SLC41A2: variants seen among roughly 807,000 people sequenced by gnomAD.
SLC41A2 encodes the protein solute carrier family 41 member 2, also known as SLC41A1-like 1.
Under a neutral mutation model 58.3 loss-of-function variants are expected in SLC41A2, and 32 were observed. The observed-to-expected ratio is 0.55, with a 90% confidence interval of 0.41 to 0.74. The LOEUF (loss-of-function observed/expected upper bound fraction) is 0.74. Ranked by LOEUF, SLC41A2 falls within the 30% of genes least tolerant of loss-of-function variation. SLC41A2 has a pLI of 0.00. For missense variants in SLC41A2, 514 were observed against 680.6 expected (o/e 0.76, Z 2.72); for synonymous variants, 190 against 235.0 (o/e 0.81, Z 1.75).
At chr12:104,934,153 T>C (rs1181237944) in intron 1 of SLC41A2, among the ~76,000 whole-genome samples, 3 of 152,082 alleles carry the variant, frequency 2.0e-5, no homozygotes, top group Non-Finnish European at 4.4e-5. Context: ...TTGTTCTATA[T>C]TTGTTATCCA....
At chr12:104,831,044 T>A (rs1156461277) in intron 10 of SLC41A2, among the ~76,000 whole-genome samples, 1 of 152,156 alleles carries the variant, frequency 6.6e-6, no homozygotes, top group East Asian at 1.9e-4. Flanking sequence ...TAATAGTACT[T>A]CACTATGAAG....
At chr12:104,813,091 A>AT (rs1328677497) in intron 10 of SLC41A2, among the ~76,000 whole-genome samples, 7 of 152,268 alleles carry the variant, frequency 4.6e-5, no homozygotes, top group African/African-American at 1.7e-4. Context: ...AGGCAGGAGA[A>AT]TCGCTTGAAC....
intron 1 of SLC41A2, among the ~76,000 whole-genome samples, chr12:104,937,628 T>A (rs1235672496): frequency 6.6e-6 from 1 of 152,220 alleles, no homozygotes; most frequent in African/African-American, 2.4e-5. Flanking sequence ...ATCCCCATCA[T>A]TAAGCCCTTC....
intron 2 of SLC41A2, among the ~76,000 whole-genome samples, chr12:104,917,418 G>A (rs574035516): frequency 1.5e-3 from 222 of 152,290 alleles, no homozygotes; most frequent in Non-Finnish European, 2.7e-3. Flanking sequence ...ACAGTGTGGC[G>A]ATTCCTCGGG....
At chr12:104,842,040 T>A (rs1029407087) in intron 10 of SLC41A2, among the ~76,000 whole-genome samples, 2 of 152,036 alleles carry the variant, frequency 1.3e-5, no homozygotes, top group South Asian at 4.1e-4. Context: ...TGGACCAAGG[T>A]TTTGAATATA....
At chr12:104,824,925 G>A (rs1311133648) in intron 10 of SLC41A2, among the ~76,000 whole-genome samples, 5 of 152,116 alleles carry the variant, frequency 3.3e-5, no homozygotes, top group Admixed American at 1.3e-4. Context: ...CCTCTCTTCC[G>A]AAACTCCACC....
chr12:104,866,664 G>A (rs1219274382), intron 6 of SLC41A2, 85 bp from the exon 7 acceptor site: 1 of 1,164,086 alleles, frequency 8.6e-7, no homozygotes, highest in African/African-American at 1.6e-5. Flanking sequence ...AAGTTTACTA[G>A]AAGGTACGAC....
chr12:104,941,077 C>T (rs1178918462), intron 1 of SLC41A2, among the ~76,000 whole-genome samples: 2 of 151,800 alleles, frequency 1.3e-5, no homozygotes, highest in Non-Finnish European at 1.5e-5. Context: ...ACTTTCTTAA[C>T]AAGTTGGGGA....
chr12:104,853,911 A>ATTATTTTTTTTTTTTTT, intron 8 of SLC41A2, among the ~76,000 whole-genome samples: 9 of 59,496 alleles, frequency 1.5e-4, no homozygotes, highest in African/African-American at 6.2e-4. Context: ...TGCCTGGCTG[A>ATTATTTTTTTTTTTTTT]TTTTTTTTTT....
At chr12:104,890,638 C>A (rs12316384) in intron 4 of SLC41A2, among the ~76,000 whole-genome samples, 7,919 of 152,156 alleles carry the variant, frequency 0.052, 461 homozygotes, top group African/African-American at 0.15. Flanking sequence ...ACTAATTGTA[C>A]CCAAGAGAAA....
In SLC41A2 at chr12:104,886,404, T is replaced by C; in HGVS notation, c.916A>G (p.Lys306Glu). The C allele has an allele frequency of 6.2e-7, 1 of 1,613,550 alleles. No homozygotes were observed. ...IMVGVIVGSK[K>E]TGINPDNVAT... ...ACATTATCAGGATTTATACCAGTCT[T>C]CTTTGAACCAACGATAACCCCAACC... Residue 306 changes from lysine to glutamate, a missense_variant, in exon 6 of 11, where the codon AAG becomes GAG. Physicochemically the swap from Lys to Glu is moderately conservative, Grantham distance 56 (BLOSUM62 1). Around this residue, in one of 3 missense-constraint regions of SLC41A2, gnomAD observed 336 missense variants for 430.0 expected, o/e 0.78. Coordinates refer to ENST00000258538, the MANE Select transcript of SLC41A2 (RefSeq NM_001352171.3).
chr12:104,919,588 T>C (rs537222447), intron 2 of SLC41A2, among the ~76,000 whole-genome samples: 27 of 152,252 alleles, frequency 1.8e-4, no homozygotes, highest in Non-Finnish European at 3.5e-4. Context: ...TGCATTTCTC[T>C]AATGGCTAAT....
chr12:104,830,996 G>C (rs1204005292), intron 10 of SLC41A2, among the ~76,000 whole-genome samples: 6 of 152,130 alleles, frequency 3.9e-5, no homozygotes, highest in African/African-American at 1.2e-4. Context: ...TTGTTGTATA[G>C]AGTTGTAGAT....
At chr12:104,878,980 T>C (rs1314556109) in intron 6 of SLC41A2, among the ~76,000 whole-genome samples, 1 of 152,330 alleles carries the variant, frequency 6.6e-6, no homozygotes, top group East Asian at 1.9e-4. Flanking sequence ...ACCTGTTGTT[T>C]CCTGACTTTT....
In SLC41A2 at chr12:104,952,363, GAATC is replaced by G. The variant is rs2047988987; in HGVS notation, c.-168+5721_-168+5724del. On this transcript the variant is annotated intron_variant, in intron 1 of 10. Transcript: ENST00000258538. ...TTGGTGCAAAGGTACTTAGGCGAAC[GAATC>G]TTTATGAACTGGGAAATTCCAATAA... is the stretch of plus-strand genomic sequence containing the variant. 2.0e-5 allele frequency among the ~76,000 whole-genome samples: 3 copies of G among 152,240 alleles called. No homozygotes were observed. The South Asian group carries it at 6.2e-4, about 32-fold the overall frequency.
chr12:104,882,839 G>C (rs1029003275), intron 6 of SLC41A2, among the ~76,000 whole-genome samples: 2 of 152,164 alleles, frequency 1.3e-5, no homozygotes, highest in African/African-American at 4.8e-5. Flanking sequence ...GACGTTCTCT[G>C]TATTTCCTGA....
chr12:104,945,372 C>A (rs983365475), intron 1 of SLC41A2, among the ~76,000 whole-genome samples: 1 of 150,918 alleles, frequency 6.6e-6, no homozygotes, highest in Non-Finnish European at 1.5e-5. Flanking sequence ...TGGTGGCGGG[C>A]GCCTGTAGTC....
chr12:104,901,915 T>C (rs759825453), intron 3 of SLC41A2, among the ~76,000 whole-genome samples: 4 of 152,224 alleles, frequency 2.6e-5, no homozygotes, highest in Non-Finnish European at 4.4e-5. Flanking sequence ...TTTATCTTTA[T>C]ACTTATCAAA....
At chr12:104,847,689 GT>G (rs2042656810) in intron 8 of SLC41A2, among the ~76,000 whole-genome samples, 1 of 151,488 alleles carries the variant, frequency 6.6e-6, no homozygotes, top group Non-Finnish European at 1.5e-5. Flanking sequence ...AGACAAGTCT[GT>G]TTTTATACAC....
Sources: allele counts gnomAD v4.1 joint callset (sites outside exome capture counted in the v4.1 genomes callset), GRCh38; gene constraint gnomAD v4.1.1; regional missense constraint gnomAD v4.1.1; transcripts MANE v1.5; gene names NCBI Gene and HGNC (gene_info 2026-07-23, HGNC 2026-07-21).